Variants in PUF60 observed in about 807,000 individuals in gnomAD.
PUF60 encodes poly(U)-binding-splicing factor PUF60.
PUF60 carries 10 observed loss-of-function variants against 61.8 expected under a neutral mutation model. The ratio of observed to expected loss-of-function variants is 0.16; its 90% CI spans 0.10 to 0.27. The LOEUF (loss-of-function observed/expected upper bound fraction) is 0.27, where lower values mean the gene tolerates loss of function less well. Ranked by LOEUF, PUF60 falls within the 10% of genes least tolerant of loss-of-function variation. The pLI is 1.00. For missense variants in PUF60, 371 were observed against 754.0 expected (o/e 0.49, Z 5.95); for synonymous variants, 353 against 300.9 (o/e 1.17, Z -1.79).
intron 1 of PUF60, chr8:143,827,645 A>T: frequency 2.8e-6 from 1 of 353,190 alleles, no homozygotes. Context: ...TAAAAGAGGA[A>T]TGGGTTAGAC....
chr8:143,824,290 G>A (rs2130381537), intron 2 of PUF60, 23 bp downstream of exon 2: 2 of 1,582,848 alleles, frequency 1.3e-6, no homozygotes, highest in Admixed American at 1.8e-5. Flanking sequence ...GGGCCTGAGG[G>A]AGAGGATGCT....
At position 143,816,730 on chromosome 8, in the gene PUF60, G is replaced by A. The variant is rs114189752; in HGVS notation, c.1470C>T (p.Phe490=). The change falls in exon 12 of 12, where the codon TTC becomes TTT. Residue 490 remains phenylalanine (F), a synonymous_variant. Coordinates refer to ENST00000526683, the MANE Select transcript of PUF60 (RefSeq NM_078480.3). ...AGATGATGACGCGGTTCACGGCCCC[G>A]AACTTGCCACACTCCTCTGTCACCT... ...EGEVTEECGK[F]GAVNRVIIYQ... 250 of 1,613,730 alleles carry A rather than the reference G, an allele frequency of 1.5e-4. No individual in the cohort carries two copies. The African/African-American group carries it at 3.1e-3, about 20-fold the overall frequency.
In PUF60 at chr8:143,819,416, G is replaced by GTGGGCCACAGGGAGCC. The variant is rs761976558; in HGVS notation, c.349-898_349-883dup. Among the ~76,000 whole-genome samples the GTGGGCCACAGGGAGCC allele has an allele frequency of 7.3e-4, 111 of 152,230 alleles. 1 individual carries two copies. Among genetic ancestry groups the GTGGGCCACAGGGAGCC allele is most frequent in the Admixed American group, 1.6e-3 (24 of 15,304 alleles). On this transcript the variant is annotated intron_variant, in intron 5 of 11. Coordinates refer to ENST00000526683, the MANE Select transcript of PUF60 (RefSeq NM_078480.3). ...CAGGGGACTTCCAGAGCCACACGCA[G>GTGGGCCACAGGGAGCC]TGGGCCACAGGGAGCCTGTGGGCCA...
chr8:143,829,006 C>G, intron 1 of PUF60: 7 of 994,978 alleles, frequency 7.0e-6, no homozygotes, highest in Non-Finnish European at 8.4e-6. Flanking sequence ...AACGCAACCC[C>G]GCCAGGCTCG....
Position 143,818,292 on chromosome 8 carries a change from A to G in PUF60, c.511-7T>C, listed in dbSNP as rs1427071847. Reference sequence around the variant, plus strand: ...ACTCCACGAAGGCAAAGCCCTAGACACAGGGACACACCTGTCAGGCTGCGC... The same window carrying G: ...ACTCCACGAAGGCAAAGCCCTAGACGCAGGGACACACCTGTCAGGCTGCGC... On this transcript the variant is annotated splice_polypyrimidine_tract_variant and splice_region_variant and intron_variant, in intron 6 of 11. Transcript: ENST00000526683. The surrounding 1 kb of genome is among the most constrained non-coding windows in gnomAD (Gnocchi z 7.9). 3 of 1,607,506 alleles carry G rather than the reference A, an allele frequency of 1.9e-6. No individual in the cohort carries two copies. Among genetic ancestry groups the G allele is most frequent in the Non-Finnish European group, 1.7e-6 (2 of 1,176,274 alleles).
intron 1 of PUF60, chr8:143,827,346 C>A (rs534814368): frequency 2.2e-6 from 1 of 456,082 alleles, no homozygotes; most frequent in Non-Finnish European, 4.4e-6. Context: ...GAGAACGGAG[C>A]CATGCGTCAA....
At chr8:143,822,007 C>A (rs1671902526) in intron 2 of PUF60, 94 bp from the exon 3 acceptor site, 2 of 936,396 alleles carry the variant, frequency 2.1e-6, no homozygotes, top group Non-Finnish European at 3.1e-6. Context: ...CTGTCCCCTG[C>A]CTGGCCTGTA....
intron 1 of PUF60, chr8:143,828,888 A>C (rs956545756): frequency 3.1e-6 from 3 of 978,346 alleles, no homozygotes; most frequent in Non-Finnish European, 3.6e-6. Flanking sequence ...CATCAACCCG[A>C]AGGCCCACGC....
intron 1 of PUF60, chr8:143,829,053 C>T: frequency 2.9e-6 from 3 of 1,019,510 alleles, no homozygotes; most frequent in Non-Finnish European, 3.5e-6. Context: ...GGCCCCCGCC[C>T]CGCCCCGCCG....
rs1201230393 is a variant in PUF60 at position 143,817,562 on chromosome 8, C to T, written c.1008+30G>A. 1 of 1,609,536 alleles carries T rather than the reference C, an allele frequency of 6.2e-7. No individual in the cohort carries two copies. Among genetic ancestry groups the T allele is most frequent in the South Asian group, 1.1e-5 (1 of 90,994 alleles). ...AGGAATCAGGGGCCAGCCCGCCCACCCTCAAGCCGACAGCTGTGTGGGCCC... is the reference window on the plus strand; with the variant it reads ...AGGAATCAGGGGCCAGCCCGCCCACTCTCAAGCCGACAGCTGTGTGGGCCC... On this transcript the variant is annotated intron_variant, in intron 9 of 11. Coordinates refer to ENST00000526683, the MANE Select transcript of PUF60 (RefSeq NM_078480.3). This position sits in a 1 kb window ranked among gnomAD's most constrained non-coding sequence, Gnocchi z 7.4.
In PUF60 at chr8:143,818,768, G is replaced by A. The variant is rs1586574493; in HGVS notation, c.349-234C>T. ...GACAGGACGCACCCCAGCCCGCCAA[G>A]GTCCCAGGCAGACTGCGGCAGCAAA... is the stretch of plus-strand genomic sequence containing the variant. On this transcript the variant is annotated intron_variant, in intron 5 of 11. Coordinates refer to ENST00000526683, the MANE Select transcript of PUF60 (RefSeq NM_078480.3). This position sits in a 1 kb window ranked among gnomAD's most constrained non-coding sequence, Gnocchi z 7.9. The A allele has an allele frequency of 1.8e-6, 1 of 562,070 alleles. No homozygotes were observed. Among genetic ancestry groups the A allele is most frequent in the Non-Finnish European group, 3.1e-6 (1 of 320,034 alleles). 34.8% of individuals were successfully genotyped at this position (562,070 alleles called of 1,614,324 possible).
chr8:143,825,902 A>C (rs1817589503), intron 1 of PUF60, among the ~76,000 whole-genome samples: 1 of 152,254 alleles, frequency 6.6e-6, no homozygotes. Context: ...CAAGTAAGCC[A>C]CAACAGTGTT....
In PUF60 at chr8:143,816,445, C is replaced by T. The variant is rs917303792; in HGVS notation, c.*75G>A. ...GGGCTGGGCAGAGCGCGCCTGGCCC[C>T]GGGGACACCACTGTATCACTATAAA... On this transcript the variant is annotated 3_prime_UTR_variant, in exon 12 of 12. Coordinates refer to ENST00000526683, the MANE Select transcript of PUF60 (RefSeq NM_078480.3). 89 of 1,509,556 alleles carry T rather than the reference C, an allele frequency of 5.9e-5. No individual in the cohort carries two copies. Among genetic ancestry groups the T allele is most frequent in the East Asian group, 6.8e-5 (3 of 43,846 alleles). 93.5% of individuals were successfully genotyped at this position (1,509,556 alleles called of 1,614,324 possible). A position where few individuals can be genotyped will look rare whatever the true frequency, so the allele number is the denominator to read the frequency against.
chr8:143,824,272 A>G (rs60749324), intron 2 of PUF60, 41 bp downstream of exon 2: 102,410 of 1,474,774 alleles, frequency 0.069, 8,494 homozygotes, highest in East Asian at 0.34. Context: ...GCGGGCGGGC[A>G]GGCGGGCGGG....
Position 143,824,239 on chromosome 8 carries a change from G to C in PUF60, c.111+74C>G. 14 of 1,458,898 alleles carry C rather than the reference G, an allele frequency of 9.6e-6. No individual in the cohort carries two copies. In the South Asian group the frequency reaches 1.6e-4, roughly 17 times the overall value. The allele number at this position is 1,458,898 out of a possible 1,614,324, so 90.4% of individuals were successfully genotyped here. A position where few individuals can be genotyped will look rare whatever the true frequency, so the allele number is the denominator to read the frequency against. On this transcript the variant is annotated intron_variant, in intron 2 of 11. Transcript: ENST00000526683. The stretch of plus-strand genomic sequence containing the variant: ...CCCCAGCCAGCCCTCTCTGGGCCCA[G>C]GGACGCACAGGCAGGCGGGCGGGCG...
chr8:143,826,051 A>G (rs1171242438), intron 1 of PUF60, among the ~76,000 whole-genome samples: 4 of 152,252 alleles, frequency 2.6e-5, no homozygotes, highest in Non-Finnish European at 5.9e-5. Flanking sequence ...TGCTAACCAG[A>G]CGCTGGGAGA....
intron 4 of PUF60, among the ~76,000 whole-genome samples, 177 bp from the exon 5 acceptor site, chr8:143,820,893 G>A (rs888700800): frequency 6.6e-6 from 1 of 152,168 alleles, no homozygotes; most frequent in Non-Finnish European, 1.5e-5. Context: ...CGCCCCATGT[G>A]CCCCGCCCTG....
At position 143,826,572 on chromosome 8, in the gene PUF60, G is replaced by A. The variant is rs569946400; in HGVS notation, c.25-2173C>T. Among the ~76,000 whole-genome samples the A allele has an allele frequency of 3.9e-5, 6 of 151,954 alleles. 1 individual carries two copies. In the South Asian group the frequency reaches 6.2e-4, roughly 16 times the overall value. The stretch of plus-strand genomic sequence containing the variant: ...TCTACTAAAAATACAAAAATTAGCC[G>A]GGCATGGTGGCAAGCACCTGTAATC... On this transcript the variant is annotated intron_variant, in intron 1 of 11. Coordinates refer to ENST00000526683, the MANE Select transcript of PUF60 (RefSeq NM_078480.3).
At position 143,820,524 on chromosome 8, in the gene PUF60, G is replaced by A. The variant is rs1305025514; in HGVS notation, c.348+142C>T. 1.0e-5 allele frequency: 10 copies of A among 972,380 alleles called. No individual in the cohort carries two copies. The East Asian group carries it at 1.2e-4, about 12-fold the overall frequency. 60.2% of individuals were successfully genotyped at this position (972,380 alleles called of 1,614,324 possible). ...GTGCCCACACCACTGGCCCCACCAC[G>A]CCTGGCGCTCTGCTGCGCTCGTCCA... On this transcript the variant is annotated intron_variant, in intron 5 of 11. Transcript: ENST00000526683.
Sources: allele counts gnomAD v4.1 joint callset (sites outside exome capture counted in the v4.1 genomes callset), GRCh38; gene constraint gnomAD v4.1.1; non-coding constraint Gnocchi (gnomAD v3.1); transcripts MANE v1.5; gene names NCBI Gene and HGNC (gene_info 2026-07-23, HGNC 2026-07-21).